Variants in CNTN5 observed in about 807,000 individuals in gnomAD.
CNTN5 encodes the protein contactin 5.
In CNTN5, 77 loss-of-function variants were observed where a neutral mutation model predicts 129.1. The ratio of observed to expected loss-of-function variants is 0.60; its 90% CI spans 0.50 to 0.72. CNTN5 has a LOEUF of 0.72. Ranked by LOEUF, CNTN5 falls within the 30% of genes least tolerant of loss-of-function variation. The pLI, the probability that CNTN5 is intolerant of heterozygous loss-of-function variation, is 0.00. For synonymous variants in CNTN5, 509 were observed against 465.6 expected, an observed-to-expected ratio of 1.09 and a Z score of -1.20; for missense variants, 1,478 against 1,328.8, an observed-to-expected ratio of 1.11 and a Z score of -1.75.
intron 6 of CNTN5, among the ~76,000 whole-genome samples, chr11:99,868,716 T>C (rs1396755316): frequency 1.3e-5 from 2 of 152,112 alleles, no homozygotes; most frequent in African/African-American, 2.4e-5. Context: ...TAAGGAAGAT[T>C]GACTGTTGGA....
chr11:99,407,866 T>C (rs549916401), intron 2 of CNTN5, among the ~76,000 whole-genome samples: 5 of 152,256 alleles, frequency 3.3e-5, no homozygotes, highest in African/African-American at 1.2e-4. Context: ...GTTCAGTGCC[T>C]CATAATCACT....
chr11:99,493,052 T>C (rs942358351), intron 2 of CNTN5, among the ~76,000 whole-genome samples: 1 of 152,174 alleles, frequency 6.6e-6, no homozygotes, highest in African/African-American at 2.4e-5. Flanking sequence ...GGAGACTGTT[T>C]GAAAGACCTT....
chr11:99,806,816 C>CAA (rs34469797), intron 3 of CNTN5, among the ~76,000 whole-genome samples: 20,846 of 128,498 alleles, frequency 0.16, 1,724 homozygotes, highest in Non-Finnish European at 0.17. Context: ...CCACCCCCTG[C>CAA]AAAAAAAAAA....
rs754870979 is a variant in CNTN5, at chr11:100,227,147, C to T, written c.2005+2335C>T. Among the ~76,000 whole-genome samples the T allele has an allele frequency of 5.3e-5, 8 of 152,172 alleles. No homozygotes were observed. The South Asian group carries it at 8.3e-4, about 16-fold the overall frequency. On this transcript the variant is annotated intron_variant, in intron 16 of 24. Coordinates refer to ENST00000524871, the MANE Select transcript of CNTN5 (RefSeq NM_014361.4). ...TGCTCAATGTCTTCATCACAAGGAACGTACTTGGATGGCAAGGATTATGTT... is the reference window on the plus strand; with the variant it reads ...TGCTCAATGTCTTCATCACAAGGAATGTACTTGGATGGCAAGGATTATGTT...
chr11:99,677,015 ATGT>A (rs928422803), intron 3 of CNTN5, among the ~76,000 whole-genome samples: 17 of 152,140 alleles, frequency 1.1e-4, no homozygotes, highest in Admixed American at 7.2e-4. Context: ...CAAGCTAAAA[ATGT>A]TGTTATATTT....
chr11:100,184,469 T>A (rs911563616), intron 13 of CNTN5, among the ~76,000 whole-genome samples: 1 of 152,184 alleles, frequency 6.6e-6, no homozygotes, highest in African/African-American at 2.4e-5. Context: ...AGCGGATGTA[T>A]GCCAAGGAAT....
intron 1 of CNTN5, among the ~76,000 whole-genome samples, chr11:99,280,647 C>T (rs1413173320): frequency 6.6e-6 from 1 of 151,694 alleles, no homozygotes. Flanking sequence ...TTGAGGATCT[C>T]TGTTTTATAC....
rs189663260 is a variant in CNTN5 at position 99,314,470 on chromosome 11, T to C, written c.-209-10876T>C. 1.2e-3 allele frequency among the ~76,000 whole-genome samples: 180 copies of C among 152,212 alleles called. 1 individual carries two copies. The highest frequency in any genetic ancestry group is 3.9e-3 in the Admixed American group (59 of 15,264). ...CATTCCAAATAACTACTTTCACTTG[T>C]TCGGTAGTGACTATGTAAAGGCTAG... On this transcript the variant is annotated intron_variant, in intron 1 of 24. Transcript: ENST00000524871.
At chr11:99,842,052 C>T (rs1221974392) in intron 4 of CNTN5, among the ~76,000 whole-genome samples, 6 of 151,730 alleles carry the variant, frequency 4.0e-5, no homozygotes, top group South Asian at 2.1e-4. Context: ...CGCACCACCA[C>T]GCCCAGCTAA....
intron 21 of CNTN5, among the ~76,000 whole-genome samples, chr11:100,318,134 G>A (rs973574704): frequency 1.3e-5 from 2 of 151,286 alleles, no homozygotes; most frequent in Admixed American, 6.6e-5. Flanking sequence ...CCAGCTACTC[G>A]GTAGGCTGAG....
chr11:99,197,234 A>G (rs1001513660), intron 1 of CNTN5, among the ~76,000 whole-genome samples: 2 of 152,012 alleles, frequency 1.3e-5, no homozygotes, highest in African/African-American at 4.8e-5. Flanking sequence ...AAATTATACA[A>G]TTAAAATTAT....
rs137994382 is a variant in CNTN5, at chr11:100,148,034, T to C, written c.1581-43092T>C. Among the ~76,000 whole-genome samples the C allele has an allele frequency of 1.4e-3, 213 of 152,306 alleles. 2 individuals carry two copies. The highest frequency in any genetic ancestry group is 6.9e-3 in the East Asian group (36 of 5,188). On this transcript the variant is annotated intron_variant, in intron 13 of 24. Transcript: ENST00000524871. Reference sequence around the variant, plus strand: ...CTTAACCCCTTTATCTCATTCATTCTCCTCTCATCTGGAAGGTTTAGCCAA... The same window carrying C: ...CTTAACCCCTTTATCTCATTCATTCCCCTCTCATCTGGAAGGTTTAGCCAA...
intron 3 of CNTN5, among the ~76,000 whole-genome samples, chr11:99,683,974 T>C (rs901492954): frequency 2.6e-5 from 4 of 151,868 alleles, no homozygotes; most frequent in African/African-American, 9.7e-5. Context: ...TAAATTGTAC[T>C]CTTCTAGCAA....
In CNTN5 at chr11:100,141,695, G is replaced by A. The variant is rs74701544; in HGVS notation, c.1581-49431G>A. On this transcript the variant is annotated intron_variant, in intron 13 of 24. Transcript: ENST00000524871. ...ATTTGTTATAGAAATGAATAAAATAGCGTAAGAAATCCTAACCTGACAGGG... is the reference window on the plus strand; with the variant it reads ...ATTTGTTATAGAAATGAATAAAATAACGTAAGAAATCCTAACCTGACAGGG... 7.2e-3 allele frequency among the ~76,000 whole-genome samples: 1,093 copies of A among 152,220 alleles called. 27 individuals are homozygous for A. Among genetic ancestry groups the A allele is most frequent in the East Asian group, 0.053 (274 of 5,156 alleles).
intron 2 of CNTN5, among the ~76,000 whole-genome samples, chr11:99,357,516 T>C (rs1172006668): frequency 1.3e-5 from 2 of 151,562 alleles, no homozygotes; most frequent in African/African-American, 4.8e-5. Context: ...CTAAGGTTTA[T>C]TTTCGACAAA....
intron 3 of CNTN5, among the ~76,000 whole-genome samples, chr11:99,760,549 A>G (rs989899894): frequency 2.1e-4 from 32 of 152,224 alleles, no homozygotes; most frequent in African/African-American, 6.5e-4. Flanking sequence ...AAATAATGCT[A>G]TGTTTTTATT....
chr11:99,529,955 A>T (rs979470992), intron 2 of CNTN5, among the ~76,000 whole-genome samples: 5 of 152,204 alleles, frequency 3.3e-5, no homozygotes, highest in Non-Finnish European at 7.4e-5. Flanking sequence ...CTTTAATAAG[A>T]AAAACAAAAA....
intron 8 of CNTN5, among the ~76,000 whole-genome samples, chr11:99,970,274 A>G (rs943086790): frequency 2.0e-5 from 3 of 152,202 alleles, no homozygotes; most frequent in African/African-American, 7.2e-5. Context: ...ACATTGCCAT[A>G]TTCTAGATTG....
At position 99,138,024 on chromosome 11, in the gene CNTN5, C is replaced by T. The variant is rs546327683; in HGVS notation, c.-210+116754C>T. Reference sequence around the variant, plus strand: ...TGTTCATACAATACATTAGAGTTAACAATTTTTCACTTTTGAGCTAGCAAA... The same window carrying T: ...TGTTCATACAATACATTAGAGTTAATAATTTTTCACTTTTGAGCTAGCAAA... On this transcript the variant is annotated intron_variant, in intron 1 of 24. Coordinates refer to ENST00000524871, the MANE Select transcript of CNTN5 (RefSeq NM_014361.4). 3.3e-5 allele frequency among the ~76,000 whole-genome samples: 5 copies of T among 152,262 alleles called. No individual in the cohort carries two copies. The East Asian group carries it at 9.6e-4, about 29-fold the overall frequency.
Sources: allele counts gnomAD v4.1 joint callset (sites outside exome capture counted in the v4.1 genomes callset), GRCh38; gene constraint gnomAD v4.1.1; transcripts MANE v1.5; gene names NCBI Gene and HGNC (gene_info 2026-07-23, HGNC 2026-07-21).